PKP2: variants seen among roughly 807,000 people sequenced by gnomAD.
The protein encoded by PKP2 is plakophilin-2.
In PKP2, 73 loss-of-function variants were observed where a neutral mutation model predicts 83.4. The ratio of observed to expected loss-of-function variants is 0.88; its 90% CI spans 0.72 to 1.06. The LOEUF (loss-of-function observed/expected upper bound fraction) is 1.06. Among genes scored for constraint, PKP2 ranks in the 50% least tolerant of loss-of-function variants. PKP2 has a pLI of 0.00. For synonymous variants in PKP2, 409 were observed against 430.4 expected (o/e 0.95, Z 0.62); for missense variants, 966 against 1,065.4 (o/e 0.91, Z 1.30).
In PKP2 at chr12:32,802,421, A is replaced by G. The variant is rs1424775776; in HGVS notation, c.2149T>C (p.Ser717Pro). 6.2e-7 allele frequency: 1 copy of G among 1,614,106 alleles called. No individual in the cohort carries two copies. Among genetic ancestry groups the G allele is most frequent in the Admixed American group, 1.7e-5 (1 of 60,010 alleles). Reference sequence around the variant, plus strand: ...GACTCACCAATTTCATTCTGCAGAGAAAGATTCCGGGACAGATTCCTCAGC... The same window carrying G: ...GACTCACCAATTTCATTCTGCAGAGGAAGATTCCGGGACAGATTCCTCAGC... ...SLLRNLSRNLSLQNEIAKETL... is the reference protein window; with the variant it reads ...SLLRNLSRNLPLQNEIAKETL... The change falls in exon 10 of 13, where the codon TCT (serine) becomes CCT (proline). Residue 717 changes from serine to proline, a missense_variant. Coordinates refer to ENST00000340811, the MANE Select transcript of PKP2 (RefSeq NM_001005242.3).
chr12:32,808,872 A>G (rs1021533068), intron 9 of PKP2, among the ~76,000 whole-genome samples: 4 of 152,220 alleles, frequency 2.6e-5, no homozygotes, highest in Non-Finnish European at 5.9e-5. Context: ...GCTGTGAAGC[A>G]GCAAAGATGG....
rs191452487 is a variant in PKP2, at chr12:32,797,684, T to C, written c.2168-1386A>G. Reference sequence around the variant, plus strand: ...CATTCTCCTGCCTCAGCCTCCCGAGTAGCTGGGATTACAGGTGCCCGCCAC... The same window carrying C: ...CATTCTCCTGCCTCAGCCTCCCGAGCAGCTGGGATTACAGGTGCCCGCCAC... On this transcript the variant is annotated intron_variant, in intron 10 of 12. Coordinates refer to ENST00000340811, the MANE Select transcript of PKP2 (RefSeq NM_001005242.3). Among the ~76,000 whole-genome samples, 1,458 of 150,636 alleles carry C rather than the reference T, an allele frequency of 9.7e-3. 25 individuals carry two copies. Among genetic ancestry groups the C allele is most frequent in the African/African-American group, 0.032 (1,295 of 41,040 alleles).
intron 10 of PKP2, among the ~76,000 whole-genome samples, chr12:32,796,992 C>A (rs1368485914): frequency 5.3e-5 from 8 of 152,104 alleles, no homozygotes; most frequent in Non-Finnish European, 1.2e-4. Context: ...AACTAAAAAG[C>A]CTGAATATCC....
At chr12:32,810,916 C>T (rs1269956970) in intron 9 of PKP2, among the ~76,000 whole-genome samples, 1 of 6,692 alleles carries the variant, frequency 1.5e-4, no homozygotes, top group African/African-American at 2.1e-4. Flanking sequence ...CTCCTGACCT[C>T]GTGATCCGCC....
intron 11 of PKP2, among the ~76,000 whole-genome samples, chr12:32,793,374 T>C (rs1347502090): frequency 1.3e-5 from 2 of 152,124 alleles, no homozygotes; most frequent in Non-Finnish European, 2.9e-5. Flanking sequence ...TGTATACTTA[T>C]AATGTATGTT....
At chr12:32,850,256 A>G (rs906079579) in intron 5 of PKP2, among the ~76,000 whole-genome samples, 9 of 152,330 alleles carry the variant, frequency 5.9e-5, no homozygotes, top group Non-Finnish European at 1.2e-4. Flanking sequence ...TTTAGAAAAA[A>G]GGAATTCAGG....
rs727504509 is a variant in PKP2, at chr12:32,796,114, G to C, written c.2352C>G (p.Gly784=). 1 of 1,613,452 alleles carries C rather than the reference G, an allele frequency of 6.2e-7. No individual in the cohort carries two copies. Among genetic ancestry groups the C allele is most frequent in the South Asian group, 1.1e-5 (1 of 91,072 alleles). Reference sequence around the variant, plus strand: ...GGCAGAACTGAAGGACTTACGCATCGCCTGCACTAATGGCCATAATTTTCT... The same window carrying C: ...GGCAGAACTGAAGGACTTACGCATCCCCTGCACTAATGGCCATAATTTTCT... The part of the protein sequence containing the change: ...GIQKIMAISA[G]DAYASNKASK... Residue 784 remains glycine (G), a synonymous_variant, in exon 11 of 13, where the codon GGC becomes GGG. Coordinates refer to ENST00000340811, the MANE Select transcript of PKP2 (RefSeq NM_001005242.3).
chr12:32,888,167 T>C (rs1377812981), intron 1 of PKP2, among the ~76,000 whole-genome samples: 1 of 152,216 alleles, frequency 6.6e-6, no homozygotes, highest in Non-Finnish European at 1.5e-5. Flanking sequence ...AGACAGACGC[T>C]GTCTCATGAA....
rs759790276 is a variant in PKP2, at chr12:32,796,240, G to A, written c.2226C>T (p.Asp742=). 3 of 1,613,668 alleles carry A rather than the reference G, an allele frequency of 1.9e-6. No individual in the cohort carries two copies. The highest frequency in any genetic ancestry group is 2.5e-6 in the Non-Finnish European group (3 of 1,179,776). ...SIIPDTVPST[D]LLIETTASAC... ...CAGAGGCTGTAGTTTCAATGAGAAGGTCAGTACTCGGGACTGTGTCAGGAA... is the reference window on the plus strand; with the variant it reads ...CAGAGGCTGTAGTTTCAATGAGAAGATCAGTACTCGGGACTGTGTCAGGAA... Residue 742 remains aspartate, a synonymous_variant, in exon 11 of 13, where the codon GAC becomes GAT. Transcript: ENST00000340811.
intron 11 of PKP2, among the ~76,000 whole-genome samples, chr12:32,794,760 C>T (rs186776944): frequency 3.9e-5 from 6 of 152,334 alleles, no homozygotes; most frequent in African/African-American, 1.4e-4. Context: ...ATACTATCTG[C>T]CAGCCTCTGG....
intron 4 of PKP2, among the ~76,000 whole-genome samples, chr12:32,856,789 G>A (rs989053992): frequency 6.6e-6 from 1 of 151,792 alleles, no homozygotes; most frequent in East Asian, 1.9e-4. Context: ...GAGTGTTCAC[G>A]TTTTGGTGTG....
At chr12:32,825,162 C>CTTTT (rs10607965) in intron 6 of PKP2, among the ~76,000 whole-genome samples, 52 of 76,840 alleles carry the variant, frequency 6.8e-4, no homozygotes, top group East Asian at 9.3e-4. Context: ...AGATCAGTTT[C>CTTTT]TTTTTTTTTT....
At chr12:32,796,475 C>T (rs893063638) in intron 10 of PKP2, among the ~76,000 whole-genome samples, 177 bp from the exon 11 acceptor site, 3 of 152,120 alleles carry the variant, frequency 2.0e-5, no homozygotes, top group Admixed American at 6.5e-5. Context: ...CTCTGCCTCC[C>T]GGGTTCACGC....
rs117135313 is a variant in PKP2 at position 32,828,627 on chromosome 12, C to T, written c.1557-4465G>A. 9.7e-3 allele frequency among the ~76,000 whole-genome samples: 1,472 copies of T among 152,276 alleles called. 11 individuals are homozygous for T. The highest frequency in any genetic ancestry group is 0.027 in the Middle Eastern group (8 of 294). On this transcript the variant is annotated intron_variant, in intron 6 of 12. Transcript: ENST00000340811. ...ATTAACTGCTCTAACAGGATTGTTA[C>T]AGGCTCTTCCACATAAGGTAGGATA...
chr12:32,844,774 G>A (rs1276669341), intron 5 of PKP2, among the ~76,000 whole-genome samples: 1 of 152,160 alleles, frequency 6.6e-6, no homozygotes, highest in Non-Finnish European at 1.5e-5. Context: ...TGAGCCCAGT[G>A]ACAAAACAGA....
intron 4 of PKP2, among the ~76,000 whole-genome samples, chr12:32,858,442 A>T (rs1193657557): frequency 1.3e-5 from 2 of 152,112 alleles, no homozygotes; most frequent in African/African-American, 2.4e-5. Context: ...CACTAGCTAA[A>T]TGTCTTCTAA....
At position 32,796,164 on chromosome 12, in the gene PKP2, C is replaced by G; in HGVS notation, c.2302G>C (p.Asp768His). The G allele has an allele frequency of 6.2e-7, 1 of 1,614,006 alleles. No individual in the cohort carries two copies. ...TGGATGCCCCCGGTGTTTAGAAGGT[C>G]GCGTGCATTCTGGTAACTGTTTTGG... Reference protein sequence around the residue: ...IIQNSYQNARDLLNTGGIQKI... With the variant: ...IIQNSYQNARHLLNTGGIQKI... Residue 768 changes from aspartate (D) to histidine (H), a missense_variant, in exon 11 of 13, where the codon GAC (aspartate) becomes CAC (histidine). Transcript: ENST00000340811.
rs1956061087 is a variant in PKP2, at chr12:32,791,095, G to C, written c.*1329C>G. On this transcript the variant is annotated 3_prime_UTR_variant, in exon 13 of 13. Transcript: ENST00000340811. ...GAATTTTTTTGCTTATCTTACTTAG[G>C]ACAAATGTTGTCAGATTAAAAAAAA... 6.6e-6 allele frequency: 1 copy of C among 150,494 alleles called. No homozygotes were observed. Among genetic ancestry groups the C allele is most frequent in the Non-Finnish European group, 1.5e-5 (1 of 67,910 alleles). 9.3% of individuals were successfully genotyped at this position (150,494 alleles called of 1,614,324 possible). A position where few individuals can be genotyped will look rare whatever the true frequency, so the allele number is the denominator to read the frequency against.
At chr12:32,895,031 A>G (rs1000930325) in intron 1 of PKP2, among the ~76,000 whole-genome samples, 13 of 152,168 alleles carry the variant, frequency 8.5e-5, no homozygotes, top group African/African-American at 3.1e-4. Flanking sequence ...TAATCATTTT[A>G]AAACTTAATG....
Sources: allele counts gnomAD v4.1 joint callset (sites outside exome capture counted in the v4.1 genomes callset), GRCh38; gene constraint gnomAD v4.1.1; transcripts MANE v1.5; gene names NCBI Gene and HGNC (gene_info 2026-07-23, HGNC 2026-07-21).